The following AGBL4 variants were observed in gnomAD, a reference collection of about 807,000 sequenced individuals.
AGBL4 encodes the protein AGBL carboxypeptidase 4.
AGBL4 carries 58 observed loss-of-function variants against 66.4 expected under a neutral mutation model. The ratio of observed to expected loss-of-function variants is 0.87; its 90% CI spans 0.71 to 1.09. The LOEUF (loss-of-function observed/expected upper bound fraction) is 1.09, where lower values mean the gene tolerates loss of function less well. Ranked by LOEUF, AGBL4 falls within the 50% of genes least tolerant of loss-of-function variation. The pLI is 0.00. For missense variants in AGBL4, 579 were observed against 631.0 expected (o/e 0.92, Z 0.88); for synonymous variants, 234 against 222.9 (o/e 1.05, Z -0.44).
rs549495618 is a variant in AGBL4, at chr1:48,814,898, T to G, written c.634+52293A>C. ...TGTCTTTTTGATATACTGATTTCCT[T>G]TCCTTTGGATAAATGCCCAGTAGTG... On this transcript the variant is annotated intron_variant, in intron 6 of 13. Coordinates refer to ENST00000371839, the MANE Select transcript of AGBL4 (RefSeq NM_032785.4). 7.2e-4 allele frequency among the ~76,000 whole-genome samples: 110 copies of G among 152,284 alleles called. 1 individual carries two copies. Among genetic ancestry groups the G allele is most frequent in the African/African-American group, 2.5e-3 (102 of 41,564 alleles).
At chr1:48,893,764 G>A (rs7512366) in intron 5 of AGBL4, among the ~76,000 whole-genome samples, 74,672 of 151,812 alleles carry the variant, frequency 0.49, 21,822 homozygotes, top group Non-Finnish European at 0.67. Context: ...TCTACCATGC[G>A]AGGCTACAAG....
intron 9 of AGBL4, among the ~76,000 whole-genome samples, chr1:48,602,422 T>G (rs935681983): frequency 4.6e-5 from 7 of 152,192 alleles, no homozygotes; most frequent in Admixed American, 3.3e-4. Context: ...TTGTTGTTGT[T>G]TTCTCTTTCA....
At chr1:48,841,249 A>G (rs1053405749) in intron 6 of AGBL4, among the ~76,000 whole-genome samples, 6 of 152,142 alleles carry the variant, frequency 3.9e-5, no homozygotes, top group Non-Finnish European at 7.4e-5. Context: ...TAAAAAGTCA[A>G]TTTAACGGTG....
chr1:49,996,848 G>A (rs1406035604), intron 1 of AGBL4, among the ~76,000 whole-genome samples: 1 of 152,136 alleles, frequency 6.6e-6, no homozygotes, highest in Admixed American at 6.5e-5. Context: ...AAACCAATCA[G>A]ATTAATAGCA....
At chr1:49,954,433 C>A (rs1571952201) in intron 1 of AGBL4, among the ~76,000 whole-genome samples, 1 of 151,862 alleles carries the variant, frequency 6.6e-6, no homozygotes, top group African/African-American at 2.4e-5. Context: ...GTTGTGGGTA[C>A]CCGCTCCTCC....
chr1:49,120,422 C>T (rs1449253666), intron 4 of AGBL4, among the ~76,000 whole-genome samples: 2 of 152,086 alleles, frequency 1.3e-5, no homozygotes, highest in African/African-American at 4.8e-5. Context: ...TTTATTTCTC[C>T]TTCACTTATG....
At chr1:49,199,837 CCTTGT>C (rs1164580696) in intron 4 of AGBL4, among the ~76,000 whole-genome samples, 1 of 152,128 alleles carries the variant, frequency 6.6e-6, no homozygotes, top group Non-Finnish European at 1.5e-5. Flanking sequence ...GGCAATTAGT[CCTTGT>C]CTTGACCCTG....
intron 5 of AGBL4, among the ~76,000 whole-genome samples, chr1:48,980,915 C>A (rs778421306): frequency 6.6e-6 from 1 of 151,668 alleles, no homozygotes; most frequent in Admixed American, 6.6e-5. Context: ...AGCTCATTAC[C>A]TCCCTAGGTA....
At chr1:48,874,640 A>T (rs1192185072) in intron 5 of AGBL4, among the ~76,000 whole-genome samples, 23 of 152,136 alleles carry the variant, frequency 1.5e-4, no homozygotes, top group Admixed American at 1.5e-3. Flanking sequence ...CAAACCAAAA[A>T]TACCTATTAT....
chr1:49,100,508 C>T (rs573696783), intron 4 of AGBL4, among the ~76,000 whole-genome samples: 1 of 152,164 alleles, frequency 6.6e-6, no homozygotes, highest in Non-Finnish European at 1.5e-5. Context: ...TCACCAAATC[C>T]GGACTGGCAA....
chr1:49,095,690 A>G (rs990441671), intron 4 of AGBL4, among the ~76,000 whole-genome samples: 1 of 151,920 alleles, frequency 6.6e-6, no homozygotes, highest in African/African-American at 2.4e-5. Flanking sequence ...AAATCAATTC[A>G]AGATGGATTA....
chr1:49,844,344 G>C (rs562045672), intron 2 of AGBL4, among the ~76,000 whole-genome samples: 2 of 152,262 alleles, frequency 1.3e-5, no homozygotes, highest in African/African-American at 4.8e-5. Context: ...CTGTGCATCT[G>C]AGTGCTCTCT....
chr1:48,764,004 T>C (rs970493338), intron 6 of AGBL4, among the ~76,000 whole-genome samples: 5 of 152,188 alleles, frequency 3.3e-5, no homozygotes, highest in Non-Finnish European at 7.3e-5. Flanking sequence ...ATGCCTCGAC[T>C]TAACCTTTAC....
intron 7 of AGBL4, among the ~76,000 whole-genome samples, chr1:48,657,823 G>A (rs986391265): frequency 3.9e-5 from 6 of 152,210 alleles, no homozygotes; most frequent in Non-Finnish European, 7.3e-5. Flanking sequence ...ACTGAATTCA[G>A]TTATAGAAAA....
intron 3 of AGBL4, among the ~76,000 whole-genome samples, chr1:49,679,332 A>G (rs1257110129): frequency 6.6e-6 from 1 of 151,970 alleles, no homozygotes; most frequent in Non-Finnish European, 1.5e-5. Context: ...CTTATTTGAT[A>G]TGCATATATA....
At chr1:49,628,041 T>A (rs191577729) in intron 3 of AGBL4, among the ~76,000 whole-genome samples, 28 of 152,268 alleles carry the variant, frequency 1.8e-4, no homozygotes, top group Non-Finnish European at 3.4e-4. Flanking sequence ...AGCTCATAAT[T>A]AAGAGTTCCA....
At chr1:48,891,760 T>C (rs1039625415) in intron 5 of AGBL4, among the ~76,000 whole-genome samples, 2 of 152,176 alleles carry the variant, frequency 1.3e-5, no homozygotes, top group Non-Finnish European at 2.9e-5. Flanking sequence ...TACTCCCAGC[T>C]GAGTATGAGG....
intron 3 of AGBL4, among the ~76,000 whole-genome samples, chr1:49,636,459 T>C (rs919159745): frequency 1.3e-5 from 2 of 152,130 alleles, no homozygotes; most frequent in South Asian, 4.1e-4. Flanking sequence ...ACTTTAGGGA[T>C]TAGGCTTCAA....
At chr1:48,984,221 C>T (rs1659992273) in intron 5 of AGBL4, among the ~76,000 whole-genome samples, 1 of 151,906 alleles carries the variant, frequency 6.6e-6, no homozygotes, top group African/African-American at 2.4e-5. Context: ...TTAATCTCAT[C>T]AAGTCTAACC....
Sources: allele counts gnomAD v4.1 joint callset (sites outside exome capture counted in the v4.1 genomes callset), GRCh38; gene constraint gnomAD v4.1.1; transcripts MANE v1.5; gene names NCBI Gene and HGNC (gene_info 2026-07-23, HGNC 2026-07-21).